The following FRK variants were observed in gnomAD, a reference collection of about 807,000 sequenced individuals.
The protein encoded by FRK is fyn related Src family tyrosine kinase, also known as tyrosine-protein kinase FRK.
Under a neutral mutation model 56.4 loss-of-function variants are expected in FRK, and 51 were observed. The ratio of observed to expected loss-of-function variants is 0.90; its 90% CI spans 0.72 to 1.14. The LOEUF is 1.14. FRK is among the 50% of genes most tolerant of loss of function. The pLI is 0.00. For synonymous variants in FRK, 245 were observed against 217.9 expected, an observed-to-expected ratio of 1.12 and a Z score of -1.10; for missense variants, 570 against 601.4, an observed-to-expected ratio of 0.95 and a Z score of 0.55.
rs370579438 is a variant in FRK at position 116,047,809 on chromosome 6, TAAGA to T, written c.344+12155_344+12158del. Among the ~76,000 whole-genome samples, 391 of 152,312 alleles carry T rather than the reference TAAGA, an allele frequency of 2.6e-3. 12 individuals are homozygous for T. In the South Asian group the frequency reaches 0.044, roughly 17 times the overall value. On this transcript the variant is annotated intron_variant, in intron 1 of 7. Coordinates refer to ENST00000606080, the MANE Select transcript of FRK (RefSeq NM_002031.3). ...GGCAGTTGCAGGACTCCAAGAGAAC[TAAGA>T]AAGAAAACTCCAATGTGCAAGTGCT...
At chr6:116,075,614 T>A in the FRK span, among the ~76,000 whole-genome samples, 1 of 152,184 alleles carries the variant, frequency 6.6e-6, no homozygotes, top group Non-Finnish European at 1.5e-5. Context: ...GGGGTTCTTT[T>A]GTGCCCTCCT....
rs1251315723 is a variant in FRK, at chr6:115,932,494, C to A, written c.*9920G>T. The A allele has an allele frequency of 6.6e-6, 1 of 152,082 alleles. No homozygotes were observed. The highest frequency in any genetic ancestry group is 1.5e-5 in the Non-Finnish European group (1 of 68,018). 9.4% of individuals were successfully genotyped at this position (152,082 alleles called of 1,614,324 possible). A position where few individuals can be genotyped will look rare whatever the true frequency, so the allele number is the denominator to read the frequency against. On this transcript the variant is annotated 3_prime_UTR_variant, in exon 8 of 8. Transcript: ENST00000606080. ...CAATTCCAATACCCAGGTGTACAAA[C>A]CTCATTTACTTTTACTTTAAGAATG...
intron 2 of FRK, among the ~76,000 whole-genome samples, chr6:116,001,528 C>T (rs1775064694): frequency 6.6e-6 from 1 of 152,088 alleles, no homozygotes; most frequent in Admixed American, 6.5e-5. Context: ...AAATCCACAC[C>T]TCTTTAACTT....
At chr6:116,070,493 T>C in the FRK span, among the ~76,000 whole-genome samples, 1 of 152,194 alleles carries the variant, frequency 6.6e-6, no homozygotes, top group African/African-American at 2.4e-5. Context: ...TCCTTTGAAT[T>C]ATGATGTCCA....
intron 1 of FRK, among the ~76,000 whole-genome samples, chr6:116,042,225 TGAAACAAA>T (rs2114791810): frequency 6.6e-6 from 1 of 152,216 alleles, no homozygotes; most frequent in East Asian, 1.9e-4. Context: ...AGGGCATCTC[TGAAACAAA>T]GGCAGCAGCC....
At chr6:116,017,735 G>C (rs1222074529) in intron 1 of FRK, among the ~76,000 whole-genome samples, 7 of 152,142 alleles carry the variant, frequency 4.6e-5, no homozygotes, top group African/African-American at 1.7e-4. Context: ...AGGCAATTCA[G>C]AGGCAGGTAA....
At chr6:115,952,490 CA>C (rs1453228569) in intron 5 of FRK, among the ~76,000 whole-genome samples, 1 of 151,938 alleles carries the variant, frequency 6.6e-6, no homozygotes, top group East Asian at 1.9e-4. Context: ...TAAACTAGTT[CA>C]ACCATTGTGG....
At chr6:116,028,561 T>G (rs1046124099) in intron 1 of FRK, among the ~76,000 whole-genome samples, 1 of 152,164 alleles carries the variant, frequency 6.6e-6, no homozygotes, top group Non-Finnish European at 1.5e-5. Context: ...GTTCCATGGC[T>G]CTCTCCTAGC....
At chr6:116,070,667 G>C in the FRK span, among the ~76,000 whole-genome samples, 2 of 152,118 alleles carry the variant, frequency 1.3e-5, no homozygotes, top group Non-Finnish European at 2.9e-5. Context: ...ATATGTAATA[G>C]GTTAATTTCT....
intron 1 of FRK, among the ~76,000 whole-genome samples, chr6:116,030,389 G>C (rs1263161555): frequency 6.6e-6 from 1 of 152,030 alleles, no homozygotes; most frequent in African/African-American, 2.4e-5. Context: ...TATGCACCTA[G>C]CGCTCCTATC....
intron 2 of FRK, among the ~76,000 whole-genome samples, chr6:115,997,385 A>C (rs1288126973): frequency 1.3e-5 from 2 of 152,088 alleles, no homozygotes; most frequent in African/African-American, 4.8e-5. Flanking sequence ...ACTGTGAGGA[A>C]ATTTTATCAT....
At chr6:115,979,034 A>G (rs1248485669) in intron 2 of FRK, among the ~76,000 whole-genome samples, 1 of 150,952 alleles carries the variant, frequency 6.6e-6, no homozygotes, top group East Asian at 1.9e-4. Flanking sequence ...AGCGTGGACA[A>G]CAGAGTGAGA....
chr6:115,992,748 T>G (rs752854563), intron 2 of FRK, among the ~76,000 whole-genome samples: 18 of 151,744 alleles, frequency 1.2e-4, no homozygotes, highest in Admixed American at 2.6e-4. Flanking sequence ...TAGCATAGTT[T>G]AACTTAAAGT....
chr6:116,008,005 G>C (rs1231146788), intron 1 of FRK, among the ~76,000 whole-genome samples: 2 of 152,040 alleles, frequency 1.3e-5, no homozygotes, highest in African/African-American at 4.8e-5. Flanking sequence ...AAATATGTAA[G>C]CCTTTACAAG....
intron 2 of FRK, among the ~76,000 whole-genome samples, chr6:115,986,127 G>A (rs564393216): frequency 3.3e-5 from 5 of 151,872 alleles, no homozygotes; most frequent in South Asian, 2.1e-4. Flanking sequence ...TCAATTAGAT[G>A]CAACATTCTT....
At chr6:116,085,795 G>A in the FRK span, among the ~76,000 whole-genome samples, 4 of 152,124 alleles carry the variant, frequency 2.6e-5, no homozygotes, top group African/African-American at 7.2e-5. Flanking sequence ...CGGAGATTCT[G>A]TAGCACTTTT....
chr6:116,079,420 T>C, the FRK span, among the ~76,000 whole-genome samples: 1 of 151,370 alleles, frequency 6.6e-6, no homozygotes, highest in Non-Finnish European at 1.5e-5. Flanking sequence ...TTTTTCAGAG[T>C]TCTTTCTGGA....
chr6:116,032,053 T>A (rs1402715952), intron 1 of FRK, among the ~76,000 whole-genome samples: 1 of 152,056 alleles, frequency 6.6e-6, no homozygotes, highest in African/African-American at 2.4e-5. Flanking sequence ...AACATAAGGT[T>A]CCTTCCTAAT....
At chr6:116,029,319 G>A (rs1309116182) in intron 1 of FRK, among the ~76,000 whole-genome samples, 1 of 152,042 alleles carries the variant, frequency 6.6e-6, no homozygotes, top group African/African-American at 2.4e-5. Context: ...AACAACTTGA[G>A]AATAGGGATT....
Sources: allele counts gnomAD v4.1 joint callset (sites outside exome capture counted in the v4.1 genomes callset), GRCh38; gene constraint gnomAD v4.1.1; transcripts MANE v1.5; gene names NCBI Gene and HGNC (gene_info 2026-07-23, HGNC 2026-07-21).